The following CCDC122 variants were observed in gnomAD, a reference collection of about 807,000 sequenced individuals.
CCDC122 encodes the protein coiled-coil domain-containing protein 122.
Under a neutral mutation model 37.0 loss-of-function variants are expected in CCDC122, and 38 were observed. The ratio of observed to expected loss-of-function variants is 1.03; its 90% confidence interval spans 0.79 to 1.35. CCDC122 has a LOEUF of 1.35. Among genes scored for constraint, CCDC122 ranks in the 40% most tolerant of loss-of-function variants. The pLI is 0.00. For missense variants in CCDC122, 305 were observed against 310.0 expected (o/e 0.98, Z 0.12); for synonymous variants, 83 against 95.6 (o/e 0.87, Z 0.77).
At chr13:43,834,391 A>G (rs543669698), downstream of CCDC122, among the ~76,000 whole-genome samples, 2 of 152,346 alleles carry the variant, frequency 1.3e-5, no homozygotes, top group South Asian at 2.1e-4. Context: ...TTCAGGACAT[A>G]GGCATGGGCA....
intron 6 of CCDC122, 65 bp from the exon 7 acceptor site, chr13:43,837,494 A>C: frequency 7.1e-7 from 1 of 1,414,892 alleles, no homozygotes; most frequent in Non-Finnish European, 9.6e-7. Context: ...GCCATAAATA[A>C]TATTTTGACT....
intron 6 of CCDC122, chr13:43,854,513 C>T (rs933187767): frequency 6.6e-6 from 1 of 152,098 alleles, no homozygotes; most frequent in Non-Finnish European, 1.5e-5. Flanking sequence ...AAGCCCAGTA[C>T]CAGATGGGTT....
chr13:43,837,517 G>C lies in CCDC122; in HGVS notation c.673-88C>G, dbSNP rs770647932. The C allele has an allele frequency of 8.2e-5, 94 of 1,143,592 alleles. 1 individual carries two copies. Among genetic ancestry groups the C allele is most frequent in the Non-Finnish European group, 1.0e-4 (84 of 822,524 alleles). The allele number at this position is 1,143,592 out of a possible 1,614,324, so 70.8% of individuals were successfully genotyped here. On this transcript the variant is annotated intron_variant, in intron 6 of 6. Coordinates refer to ENST00000444614, the MANE Select transcript of CCDC122 (RefSeq NM_144974.5). ...TAATATTTTGACTACTCTAAAGAGGGAAGCACTTAATTAGAAACTATCCAC... is the reference window on the plus strand; with the variant it reads ...TAATATTTTGACTACTCTAAAGAGGCAAGCACTTAATTAGAAACTATCCAC...
intron 3 of CCDC122, 111 bp downstream of exon 3, chr13:43,869,220 T>G (rs1243056951): frequency 1.3e-6 from 1 of 798,370 alleles, no homozygotes; most frequent in East Asian, 2.6e-5. Flanking sequence ...TAAATGTAAC[T>G]GCTTCCATCT....
Position 43,839,934 on chromosome 13 carries a change from C to CA in CCDC122, c.673-2506dup, listed in dbSNP as rs561763050. 2.6e-4 allele frequency among the ~76,000 whole-genome samples: 40 copies of CA among 152,030 alleles called. No homozygotes were observed. In the South Asian group the frequency reaches 5.2e-3, roughly 20 times the overall value. ...CTCGTGGTCAGAAGAAATTTATAGACAAAAAAAGTAAATTTGAGGTACAGG... is the reference window on the plus strand; with the variant it reads ...CTCGTGGTCAGAAGAAATTTATAGACAAAAAAAAGTAAATTTGAGGTACAGG... On this transcript the variant is annotated intron_variant, in intron 6 of 6. Transcript: ENST00000444614.
At chr13:43,868,870 G>C in intron 3 of CCDC122, 67 bp from the exon 4 acceptor site, 2 of 658,352 alleles carry the variant, frequency 3.0e-6, no homozygotes, top group Non-Finnish European at 4.5e-6. Context: ...AGAAAGTTAT[G>C]TTTCTTTACT....
rs189933885 is a variant in CCDC122, at chr13:43,858,460, C to G, written c.672+321G>C. 1.8e-4 allele frequency: 28 copies of G among 157,306 alleles called. No individual in the cohort carries two copies. The East Asian group carries it at 5.1e-3, about 28-fold the overall frequency. 9.7% of individuals were successfully genotyped at this position (157,306 alleles called of 1,614,324 possible). ...TTTGATATCTAAGAATGGGCATCCT[C>G]TTTGACTACATAGCTGCTTTCTAGC... On this transcript the variant is annotated intron_variant, in intron 6 of 6. Coordinates refer to ENST00000444614, the MANE Select transcript of CCDC122 (RefSeq NM_144974.5).
chr13:43,864,297 A>C (rs1048362862), intron 4 of CCDC122, among the ~76,000 whole-genome samples: 50 of 152,212 alleles, frequency 3.3e-4, no homozygotes, highest in African/African-American at 1.2e-3. Context: ...CTTTGTTCCC[A>C]GTTATTGGTA....
At chr13:43,842,732 T>A (rs1394113136) in intron 6 of CCDC122, among the ~76,000 whole-genome samples, 1 of 152,074 alleles carries the variant, frequency 6.6e-6, no homozygotes, top group African/African-American at 2.4e-5. Flanking sequence ...GCACATTTTT[T>A]CACAAAATTC....
At chr13:43,823,211 C>T (rs1953008549), downstream of CCDC122, among the ~76,000 whole-genome samples, 1 of 152,000 alleles carries the variant, frequency 6.6e-6, no homozygotes, top group African/African-American at 2.4e-5. Context: ...TCATTCTGGC[C>T]CAGGGTGTGT....
At chr13:43,855,591 A>G (rs1316994013) in intron 6 of CCDC122, 4 of 152,034 alleles carry the variant, frequency 2.6e-5, no homozygotes, top group Admixed American at 6.6e-5. Flanking sequence ...TTAAACTACC[A>G]AAAAAAAGTT....
At chr13:43,822,549 T>C (rs573473971), downstream of CCDC122, among the ~76,000 whole-genome samples, 1 of 152,346 alleles carries the variant, frequency 6.6e-6, no homozygotes, top group African/African-American at 2.4e-5. Context: ...CAGGCCCCAG[T>C]TGGGTCCAAA....
intron 6 of CCDC122, among the ~76,000 whole-genome samples, chr13:43,840,362 T>C (rs1943106754): frequency 6.6e-6 from 1 of 152,180 alleles, no homozygotes; most frequent in Admixed American, 6.5e-5. Context: ...TATGTAAATA[T>C]ACCACAATTT....
chr13:43,858,787 T>G lies in CCDC122; in HGVS notation c.666A>C (p.Glu222Asp). The G allele has an allele frequency of 1.4e-6, 2 of 1,418,562 alleles. No individual in the cohort carries two copies. The highest frequency in any genetic ancestry group is 1.9e-6 in the Non-Finnish European group (2 of 1,053,488). 87.9% of individuals were successfully genotyped at this position (1,418,562 alleles called of 1,614,324 possible). A position where few individuals can be genotyped will look rare whatever the true frequency, so the allele number is the denominator to read the frequency against. ...EKKTHEKLRK[E>D]IEVQHKRYDA... Reference sequence around the variant, plus strand: ...CTAGATAATTAAGACTTACCTCTATTTCTTTTCTTAATTTTTCATGTGTCT... The same window carrying G: ...CTAGATAATTAAGACTTACCTCTATGTCTTTTCTTAATTTTTCATGTGTCT... The change falls in exon 6 of 7, where the codon GAA (glutamate) becomes GAC (aspartate). Residue 222 changes from glutamate to aspartate, a missense_variant. Transcript: ENST00000444614.
At chr13:43,838,748 C>CT (rs1369257066) in intron 6 of CCDC122, among the ~76,000 whole-genome samples, 1 of 152,048 alleles carries the variant, frequency 6.6e-6, no homozygotes, top group Non-Finnish European at 1.5e-5. Flanking sequence ...GAGGGCAGGT[C>CT]TTTGTGGTGT....
chr13:43,827,624 G>A (rs1232705604), intron 3 of CCDC122, among the ~76,000 whole-genome samples: 2 of 152,160 alleles, frequency 1.3e-5, no homozygotes, highest in Admixed American at 6.5e-5. Flanking sequence ...TCCAAATGCA[G>A]ATGAAAAATA....
At chr13:43,870,233 T>G (rs188463816) in intron 2 of CCDC122, among the ~76,000 whole-genome samples, 48 of 152,254 alleles carry the variant, frequency 3.2e-4, no homozygotes, top group African/African-American at 9.6e-4. Context: ...TAACCATTCC[T>G]TGAAATTTAT....
At position 43,825,753 on chromosome 13, in the gene CCDC122, G is replaced by A. The variant is rs142667272; in HGVS notation, n.602-1742C>T. 2.5e-4 allele frequency among the ~76,000 whole-genome samples: 34 copies of A among 135,626 alleles called. No homozygotes were observed. In the East Asian group the frequency reaches 8.2e-3, roughly 33 times the overall value. 89.0% of individuals were successfully genotyped at this position (135,626 alleles called of 152,430 possible). The stretch of plus-strand genomic sequence containing the variant: ...CCATTGCACTACAGCCTGGGCGACG[G>A]AGTGAGACTCCGTCTCAAAAAAAAA... On this transcript the variant is annotated intron_variant and non_coding_transcript_variant, in intron 3 of 3. Coordinates refer to the CCDC122 transcript ENST00000470137.
chr13:43,867,239 G>C (rs750796304), intron 4 of CCDC122, among the ~76,000 whole-genome samples: 1 of 151,904 alleles, frequency 6.6e-6, no homozygotes, highest in Non-Finnish European at 1.5e-5. Context: ...ATCAACTTTA[G>C]AATAAAGTTG....
Sources: gnomAD v4.1 joint callset for allele counts (sites outside exome capture counted in the v4.1 genomes callset) on GRCh38, gnomAD v4.1.1 for gene constraint, MANE v1.5 for transcripts, NCBI Gene and HGNC (gene_info 2026-07-23, HGNC 2026-07-21) for gene names.